Variants in TSPEAR observed in about 807,000 individuals in gnomAD.
TSPEAR encodes the protein thrombospondin-type laminin G domain and EAR repeat-containing protein.
In TSPEAR, 69 loss-of-function variants were observed where a neutral mutation model predicts 71.6. That is an observed-to-expected ratio of 0.96 (90% CI 0.79 to 1.18). The LOEUF is 1.18. Ranked by LOEUF, TSPEAR falls within the 50% of genes most tolerant of loss-of-function variation. The pLI, the probability that TSPEAR is intolerant of heterozygous loss-of-function variation, is 0.00. For synonymous variants in TSPEAR, 402 were observed against 387.2 expected (o/e 1.04, Z -0.45); for missense variants, 971 against 894.9 (o/e 1.09, Z -1.09).
chr21:44,689,743 TG>T (rs1301751493), intron 1 of TSPEAR, among the ~76,000 whole-genome samples: 19 of 47,924 alleles, frequency 4.0e-4, no homozygotes, highest in African/African-American at 1.2e-3. Context: ...ATATATATTT[TG>T]GGGGGGGTTA....
intron 9 of TSPEAR, among the ~76,000 whole-genome samples, chr21:44,512,900 C>G (rs142401181): frequency 1.5e-3 from 235 of 152,280 alleles, no homozygotes; most frequent in African/African-American, 5.5e-3. Context: ...CAGGGCCAGA[C>G]AGGCCTGGGG....
chr21:44,617,630 C>A (rs116081774), intron 1 of TSPEAR, among the ~76,000 whole-genome samples: 1 of 152,240 alleles, frequency 6.6e-6, no homozygotes, highest in Non-Finnish European at 1.5e-5. Flanking sequence ...GGCCCTGAGT[C>A]TTTACTTCTT....
rs2051976850 is a variant in TSPEAR, at chr21:44,498,916, A to T, written c.*867T>A. 6.6e-6 allele frequency: 1 copy of T among 152,368 alleles called. No homozygotes were observed. Among genetic ancestry groups the T allele is most frequent in the Non-Finnish European group, 1.5e-5 (1 of 68,146 alleles). The allele number at this position is 152,368 out of a possible 1,614,324, so 9.4% of individuals were successfully genotyped here. On this transcript the variant is annotated 3_prime_UTR_variant, in exon 12 of 12. Transcript: ENST00000323084. ...CATCCTCACTGCCTGTGACGGACAGACAAGCAGCTCTCCCAGCTGCAGAGA... is the reference window on the plus strand; with the variant it reads ...CATCCTCACTGCCTGTGACGGACAGTCAAGCAGCTCTCCCAGCTGCAGAGA...
intron 1 of TSPEAR, among the ~76,000 whole-genome samples, chr21:44,595,098 C>T (rs1182828093): frequency 6.6e-6 from 1 of 152,202 alleles, no homozygotes; most frequent in East Asian, 1.9e-4. Context: ...GCTAGGATTA[C>T]AGGCCTGAGC....
chr21:44,682,483 C>T (rs1224433138), intron 1 of TSPEAR, among the ~76,000 whole-genome samples: 1 of 152,184 alleles, frequency 6.6e-6, no homozygotes, highest in Non-Finnish European at 1.5e-5. Context: ...CAAAAGAGCT[C>T]CTCGAACCGC....
chr21:44,709,690 C>A (rs1988119823), intron 1 of TSPEAR, among the ~76,000 whole-genome samples: 1 of 152,258 alleles, frequency 6.6e-6, no homozygotes, highest in Non-Finnish European at 1.5e-5. Context: ...CGGCCCGGTG[C>A]CTTCACGCGC....
intron 2 of TSPEAR, chr21:44,540,035 G>T (rs233320): frequency 1.9e-6 from 3 of 1,612,898 alleles, no homozygotes; most frequent in Non-Finnish European, 2.5e-6. Flanking sequence ...GCAGGGGGCC[G>T]GGGCGCAGCA....
At chr21:44,620,197 C>A (rs1484880014) in intron 1 of TSPEAR, among the ~76,000 whole-genome samples, 3 of 152,292 alleles carry the variant, frequency 2.0e-5, no homozygotes, top group Middle Eastern at 3.4e-3. Flanking sequence ...GAGCACCCAA[C>A]AACCAAAAAG....
intron 9 of TSPEAR, chr21:44,517,544 GCTGGGACATGTGACTGGCA>G: frequency 2.9e-6 from 1 of 344,354 alleles, no homozygotes; most frequent in Admixed American, 4.0e-5. Flanking sequence ...GTCCAGCTAG[GCTGGGACATGTGACTGGCA>G]CTGGCCCATG....
chr21:44,689,745 G>GT (rs1868615083), intron 1 of TSPEAR, among the ~76,000 whole-genome samples: 1 of 49,374 alleles, frequency 2.0e-5, no homozygotes, highest in African/African-American at 9.6e-5. Flanking sequence ...ATATATTTTG[G>GT]GGGGGGTTAC....
In TSPEAR at chr21:44,639,812, C is replaced by T. The variant is rs1463697008; in HGVS notation, c.82+71621G>A. Among the ~76,000 whole-genome samples the T allele has an allele frequency of 3.3e-5, 5 of 152,034 alleles. No individual in the cohort carries two copies. The South Asian group carries it at 6.2e-4, about 19-fold the overall frequency. On this transcript the variant is annotated intron_variant, in intron 1 of 11. Transcript: ENST00000323084. The stretch of plus-strand genomic sequence containing the variant: ...ACCTCCTCCACATTTGCCATTGTCC[C>T]CACCTTCCCTGTCCAAGGCACCGAC...
At chr21:44,582,199 A>G (rs1346830268) in intron 1 of TSPEAR, among the ~76,000 whole-genome samples, 3 of 152,218 alleles carry the variant, frequency 2.0e-5, no homozygotes, top group Non-Finnish European at 4.4e-5. Context: ...CACATCAGCC[A>G]CCGCGTGAGG....
intron 2 of TSPEAR, chr21:44,558,799 CA>C: frequency 6.6e-7 from 1 of 1,517,038 alleles, no homozygotes; most frequent in Middle Eastern, 2.4e-4. Context: ...GTGATCGTGC[CA>C]GGCCTCTGAG....
At chr21:44,677,712 G>C in intron 1 of TSPEAR, 3 of 1,429,586 alleles carry the variant, frequency 2.1e-6, no homozygotes, top group Non-Finnish European at 3.0e-6. Context: ...GAGTTGTGAG[G>C]CAGGCTGTTT....
intron 1 of TSPEAR, among the ~76,000 whole-genome samples, chr21:44,608,291 T>C (rs1212476752): frequency 6.6e-6 from 1 of 152,208 alleles, no homozygotes; most frequent in Non-Finnish European, 1.5e-5. Flanking sequence ...CCATACTCAG[T>C]GGTACACTAA....
At chr21:44,689,824 C>T (rs570623525) in intron 1 of TSPEAR, among the ~76,000 whole-genome samples, 85 of 148,998 alleles carry the variant, frequency 5.7e-4, no homozygotes, top group African/African-American at 2.0e-3. Context: ...CAAAGAGATC[C>T]AGTCTGAGTC....
In TSPEAR at chr21:44,531,106, G is replaced by C. The variant is rs371384795; in HGVS notation, c.570C>G (p.Thr190=). 7 of 1,613,828 alleles carry C rather than the reference G, an allele frequency of 4.3e-6. No homozygotes were observed. The highest frequency in any genetic ancestry group is 1.7e-5 in the Admixed American group (1 of 60,022). The stretch of plus-strand genomic sequence containing the variant: ...AGAATCGAGCTCCTTTCACTGACAG[G>C]GTGGCTGGGAAGGGCACATCGGCCA... ...DIMADVPFPA[T]LSVKGARFFV... The change falls in exon 4 of 12, where the codon ACC becomes ACG. Residue 190 remains threonine, a synonymous_variant. Coordinates refer to ENST00000323084, the MANE Select transcript of TSPEAR (RefSeq NM_144991.3).
chr21:44,651,560 A>G (rs1555941439), intron 1 of TSPEAR, among the ~76,000 whole-genome samples: 1 of 152,112 alleles, frequency 6.6e-6, no homozygotes. Context: ...GTTCAGGGCT[A>G]GCAGCAGGCA....
At chr21:44,633,013 G>A (rs1983342224) in intron 1 of TSPEAR, among the ~76,000 whole-genome samples, 1 of 152,012 alleles carries the variant, frequency 6.6e-6, no homozygotes, top group African/African-American at 2.4e-5. Context: ...TTATGTGTTA[G>A]TGTACAATTG....
Sources: gnomAD v4.1 joint callset for allele counts (sites outside exome capture counted in the v4.1 genomes callset) on GRCh38, gnomAD v4.1.1 for gene constraint, MANE v1.5 for transcripts, NCBI Gene and HGNC (gene_info 2026-07-23, HGNC 2026-07-21) for gene names.